The following CTNNA3 variants were observed in gnomAD, a reference collection of about 807,000 sequenced individuals.
CTNNA3 encodes catenin alpha-3.
In CTNNA3, 76 loss-of-function variants were observed where a neutral mutation model predicts 95.7. The observed-to-expected ratio is 0.79, with a 90% CI of 0.66 to 0.96. The LOEUF (loss-of-function observed/expected upper bound fraction) is 0.96, where lower values mean the gene tolerates loss of function less well. Ranked by LOEUF, CTNNA3 falls within the 40% of genes least tolerant of loss-of-function variation. The pLI is 0.00. For synonymous variants in CTNNA3, 431 were observed against 374.4 expected (o/e 1.15, Z -1.74); for missense variants, 1,191 against 1,089.8 (o/e 1.09, Z -1.31).
intron 9 of CTNNA3, among the ~76,000 whole-genome samples, chr10:66,752,099 T>C (rs1399516045): frequency 6.6e-6 from 1 of 152,174 alleles, no homozygotes; most frequent in African/African-American, 2.4e-5. Context: ...GATAGGCTTA[T>C]ACTAAAATTT....
intron 11 of CTNNA3, among the ~76,000 whole-genome samples, chr10:66,468,457 G>C (rs1215120366): frequency 6.6e-6 from 1 of 151,868 alleles, no homozygotes; most frequent in Non-Finnish European, 1.5e-5. Flanking sequence ...AATTTAAAAG[G>C]GAGTCATGGG....
In CTNNA3 at chr10:67,751,086, C is replaced by A. The variant is rs112027646; in HGVS notation, c.-2+12348G>T. ...GATCCCCAAGTCTGTGACACCAGCA[C>A]GCATTGTTGAGAACATTCAGGCCTT... On this transcript the variant is annotated intron_variant, in intron 1 of 17. Transcript: ENST00000684154. 6 of 1,433,978 alleles carry A rather than the reference C, an allele frequency of 4.2e-6. No homozygotes were observed. In the African/African-American group the frequency reaches 8.4e-5, roughly 20 times the overall value. The allele number at this position is 1,433,978 out of a possible 1,614,324, so 88.8% of individuals were successfully genotyped here. A position where few individuals can be genotyped will look rare whatever the true frequency, so the allele number is the denominator to read the frequency against.
At chr10:67,283,871 A>G (rs1235377068) in intron 5 of CTNNA3, among the ~76,000 whole-genome samples, 1 of 152,166 alleles carries the variant, frequency 6.6e-6, no homozygotes, top group Admixed American at 6.5e-5. Context: ...TTGAACAATC[A>G]TATTTCTACA....
At chr10:66,547,399 G>A (rs1297768305) in intron 10 of CTNNA3, among the ~76,000 whole-genome samples, 112 of 116,078 alleles carry the variant, frequency 9.6e-4, no homozygotes, top group Non-Finnish European at 1.2e-3. Context: ...CTGGAGTCCA[G>A]TGGCCCATTC....
rs1342422740 is a variant in CTNNA3 at position 66,309,949 on chromosome 10, AT to A, written c.1733-29329del. On this transcript the variant is annotated intron_variant, in intron 12 of 17. Transcript: ENST00000433211. ...AATAAATAAATAAATAAATAAATAAATAAATAAAATAAAAATAAAAATAAAT... is the reference window on the plus strand; with the variant it reads ...AATAAATAAATAAATAAATAAATAAAAAATAAAATAAAAATAAAAATAAAT... 2.0e-4 allele frequency among the ~76,000 whole-genome samples: 27 copies of A among 137,938 alleles called. No individual in the cohort carries two copies. The East Asian group carries it at 4.4e-3, about 23-fold the overall frequency. 90.5% of individuals were successfully genotyped at this position (137,938 alleles called of 152,430 possible).
intron 1 of CTNNA3, among the ~76,000 whole-genome samples, chr10:67,711,394 T>A (rs974484554): frequency 2.0e-5 from 3 of 152,144 alleles, no homozygotes; most frequent in African/African-American, 7.2e-5. Context: ...AAAATGATGA[T>A]AATGATATGG....
chr10:67,384,112 G>T (rs542247289), intron 5 of CTNNA3, among the ~76,000 whole-genome samples: 1 of 152,076 alleles, frequency 6.6e-6, no homozygotes, highest in African/African-American at 2.4e-5. Context: ...ATCACCTTGT[G>T]CCAGAAAGGA....
intron 5 of CTNNA3, among the ~76,000 whole-genome samples, chr10:67,477,532 C>T (rs1352177293): frequency 6.6e-6 from 1 of 152,122 alleles, no homozygotes; most frequent in Non-Finnish European, 1.5e-5. Context: ...TAGCCCAATA[C>T]AAAACCTGCC....
intron 16 of CTNNA3, among the ~76,000 whole-genome samples, chr10:65,969,999 A>T: frequency 6.6e-6 from 1 of 152,160 alleles, no homozygotes; most frequent in East Asian, 1.9e-4. Context: ...ATACTAAAGA[A>T]AAAATCTCAA....
intron 3 of CTNNA3, among the ~76,000 whole-genome samples, chr10:67,572,626 G>A (rs1462203520): frequency 1.3e-5 from 2 of 152,158 alleles, no homozygotes; most frequent in African/African-American, 2.4e-5. Context: ...TAAGATGTCT[G>A]CCTTTCTCAG....
chr10:66,974,300 G>A (rs1335559784), intron 7 of CTNNA3, among the ~76,000 whole-genome samples: 1 of 152,148 alleles, frequency 6.6e-6, no homozygotes, highest in African/African-American at 2.4e-5. Context: ...TAAGAAGAAA[G>A]GAGTAATCTA....
intron 7 of CTNNA3, among the ~76,000 whole-genome samples, chr10:66,829,742 A>T (rs2132315353): frequency 6.6e-6 from 1 of 151,872 alleles, no homozygotes; most frequent in East Asian, 1.9e-4. Flanking sequence ...ACTTTGGGAA[A>T]CACTGCCTTA....
intron 7 of CTNNA3, among the ~76,000 whole-genome samples, chr10:66,814,184 G>A (rs779017369): frequency 6.6e-6 from 1 of 151,384 alleles, no homozygotes; most frequent in Non-Finnish European, 1.5e-5. Context: ...AAACGTCAGA[G>A]GCAGTAATAA....
intron 3 of CTNNA3, among the ~76,000 whole-genome samples, chr10:67,584,327 G>A (rs1842539587): frequency 1.3e-5 from 2 of 152,190 alleles, no homozygotes; most frequent in Non-Finnish European, 2.9e-5. Flanking sequence ...CTTTGCTGGA[G>A]GTCCACTCCA....
At chr10:67,257,529 T>G (rs970093445) in intron 5 of CTNNA3, among the ~76,000 whole-genome samples, 3 of 152,192 alleles carry the variant, frequency 2.0e-5, no homozygotes, top group African/African-American at 7.2e-5. Flanking sequence ...GGCTTGTGCT[T>G]CTTTTATATT....
intron 7 of CTNNA3, among the ~76,000 whole-genome samples, chr10:66,918,817 A>G (rs1416350162): frequency 6.6e-6 from 1 of 151,716 alleles, no homozygotes; most frequent in African/African-American, 2.4e-5. Context: ...TAGATAGATA[A>G]ATAGAGAGAG....
intron 1 of CTNNA3, among the ~76,000 whole-genome samples, chr10:67,739,682 T>G (rs1841323768): frequency 6.6e-6 from 1 of 152,038 alleles, no homozygotes; most frequent in Non-Finnish European, 1.5e-5. Flanking sequence ...GGAAGAACAT[T>G]CCATGGTCAT....
intron 12 of CTNNA3, among the ~76,000 whole-genome samples, chr10:66,330,158 G>T (rs1057371586): frequency 2.6e-5 from 4 of 151,862 alleles, no homozygotes; most frequent in African/African-American, 9.7e-5. Flanking sequence ...ATGTTGGTGT[G>T]CTGCATCCAT....
chr10:66,138,660 T>C (rs1589523787), intron 13 of CTNNA3, among the ~76,000 whole-genome samples: 1 of 152,100 alleles, frequency 6.6e-6, no homozygotes, highest in Non-Finnish European at 1.5e-5. Flanking sequence ...GAAACCCGGT[T>C]GGTTTCACTT....
Sources: allele counts gnomAD v4.1 joint callset (sites outside exome capture counted in the v4.1 genomes callset), GRCh38; gene constraint gnomAD v4.1.1; transcripts MANE v1.5; gene names NCBI Gene and HGNC (gene_info 2026-07-23, HGNC 2026-07-21).